Variants in LCORL observed in about 807,000 individuals in gnomAD.
LCORL encodes the protein ligand dependent nuclear receptor corepressor like.
Under a neutral mutation model 141.8 loss-of-function variants are expected in LCORL, and 41 were observed. The observed-to-expected ratio is 0.29, with a 90% CI of 0.23 to 0.38. LCORL has a LOEUF of 0.38. Ranked by LOEUF, LCORL falls within the 10% of genes least tolerant of loss-of-function variation. The pLI is 1.00. For missense variants in LCORL, 1,759 were observed against 2,035.0 expected (o/e 0.86, Z 2.61); for synonymous variants, 618 against 694.1 (o/e 0.89, Z 1.72).
intron 1 of LCORL, among the ~76,000 whole-genome samples, chr4:17,976,118 T>G (rs1230718472): frequency 6.6e-6 from 1 of 152,224 alleles, no homozygotes; most frequent in African/African-American, 2.4e-5. Flanking sequence ...ATTATGTATT[T>G]TTTTCCAATT....
intron 1 of LCORL, among the ~76,000 whole-genome samples, chr4:18,000,549 G>A (rs1032459022): frequency 1.4e-4 from 21 of 152,168 alleles, no homozygotes; most frequent in South Asian, 4.1e-4. Context: ...CTTCAAAGAT[G>A]TTTTGATACA....
intron 4 of LCORL, among the ~76,000 whole-genome samples, chr4:17,939,843 A>G (rs1737538447): frequency 6.6e-6 from 1 of 150,672 alleles, no homozygotes; most frequent in Non-Finnish European, 1.5e-5. Flanking sequence ...TGAAATCTGG[A>G]AAAAAATAAA....
At chr4:17,907,797 T>G (rs1272576322) in intron 5 of LCORL, among the ~76,000 whole-genome samples, 14 of 152,240 alleles carry the variant, frequency 9.2e-5, no homozygotes, top group Admixed American at 9.2e-4. Context: ...TCTTCCATTG[T>G]AGCCCGGGGA....
At chr4:17,898,254 G>GT (rs1216244195) in intron 5 of LCORL, among the ~76,000 whole-genome samples, 2 of 152,082 alleles carry the variant, frequency 1.3e-5, no homozygotes, top group Non-Finnish European at 2.9e-5. Flanking sequence ...AGAATGTATA[G>GT]TCAAAATGCT....
intron 4 of LCORL, chr4:17,960,363 T>C (rs574586352): frequency 6.5e-6 from 1 of 154,392 alleles, no homozygotes; most frequent in South Asian, 2.0e-4. Flanking sequence ...CAATGGAGCA[T>C]AGGCTAACTC....
chr4:17,893,155 C>A (rs1004424939), intron 5 of LCORL: 1 of 154,628 alleles, frequency 6.5e-6, no homozygotes, highest in African/African-American at 2.4e-5. Flanking sequence ...CCTGATGCTC[C>A]CCCACCTCAG....
At chr4:18,017,912 G>A (rs982867475) in intron 1 of LCORL, among the ~76,000 whole-genome samples, 2 of 151,980 alleles carry the variant, frequency 1.3e-5, no homozygotes, top group African/African-American at 4.8e-5. Flanking sequence ...GAAGAATTTA[G>A]GGGTAAAGAG....
intron 1 of LCORL, among the ~76,000 whole-genome samples, chr4:17,974,129 G>C (rs1056245386): frequency 6.6e-6 from 1 of 151,990 alleles, no homozygotes; most frequent in African/African-American, 2.4e-5. Context: ...TTCTATTTTA[G>C]AGTAGAAGAT....
chr4:18,021,858 G>T lies in LCORL; in HGVS notation c.-107C>A, dbSNP rs1194623949. ...CGGAGCGCGCGCCCCCCGGAGGGGG[G>T]TTGATTGACACGTGTCACTACCTTC... On this transcript the variant is annotated 5_prime_UTR_variant, in exon 1 of 8. Transcript: ENST00000635767. This position sits in a 1 kb window ranked among gnomAD's most constrained non-coding sequence, Gnocchi z 5.5. The T allele has an allele frequency of 7.9e-7, 1 of 1,272,262 alleles. No individual in the cohort carries two copies. The highest frequency in any genetic ancestry group is 1.0e-6 in the Non-Finnish European group (1 of 971,132). The allele number at this position is 1,272,262 out of a possible 1,614,324, so 78.8% of individuals were successfully genotyped here.
At chr4:17,932,540 C>G (rs1420783231) in intron 4 of LCORL, among the ~76,000 whole-genome samples, 2 of 152,138 alleles carry the variant, frequency 1.3e-5, no homozygotes, top group African/African-American at 4.8e-5. Flanking sequence ...CCCACTCTTC[C>G]CAACCTTCAC....
At chr4:17,976,146 T>A (rs927322467) in intron 1 of LCORL, among the ~76,000 whole-genome samples, 5 of 152,200 alleles carry the variant, frequency 3.3e-5, no homozygotes, top group Non-Finnish European at 7.4e-5. Flanking sequence ...TTTTAACCTG[T>A]CTTTATATTC....
chr4:17,888,793 T>C (rs1728660608), intron 5 of LCORL, among the ~76,000 whole-genome samples: 1 of 152,172 alleles, frequency 6.6e-6, no homozygotes, highest in Admixed American at 6.6e-5. Flanking sequence ...TTTCTCTTTT[T>C]TGGCAATTAA....
intron 4 of LCORL, among the ~76,000 whole-genome samples, chr4:17,917,012 T>C (rs904683029): frequency 1.0e-4 from 15 of 150,716 alleles, no homozygotes; most frequent in Non-Finnish European, 2.1e-4. Context: ...AGTCTCACTC[T>C]GTCACCCAGG....
intron 6 of LCORL, chr4:17,883,665 C>T: frequency 7.1e-7 from 1 of 1,402,502 alleles, no homozygotes; most frequent in Non-Finnish European, 9.3e-7. Context: ...CACATACACA[C>T]ACACGCAAAC....
At chr4:18,017,545 C>A (rs1340722619) in intron 1 of LCORL, among the ~76,000 whole-genome samples, 1 of 151,988 alleles carries the variant, frequency 6.6e-6, no homozygotes, top group Non-Finnish European at 1.5e-5. Flanking sequence ...GGTATTCCTG[C>A]CAAAATGCAT....
At chr4:18,012,516 T>C (rs1723964306) in intron 1 of LCORL, among the ~76,000 whole-genome samples, 2 of 152,142 alleles carry the variant, frequency 1.3e-5, no homozygotes, top group African/African-American at 4.8e-5. Flanking sequence ...AGAAGAAACA[T>C]AAAATTATAC....
intron 2 of LCORL, among the ~76,000 whole-genome samples, chr4:17,965,817 C>G (rs554934982): frequency 2.6e-5 from 4 of 152,198 alleles, no homozygotes; most frequent in African/African-American, 9.6e-5. Context: ...AACACCTCAA[C>G]AGATGTAATT....
chr4:17,847,594 T>C (rs879814933), intron 7 of LCORL, among the ~76,000 whole-genome samples: 6 of 152,218 alleles, frequency 3.9e-5, no homozygotes, highest in Non-Finnish European at 8.8e-5. Context: ...AAAACGGATG[T>C]GATTAAAAAA....
rs1292250515 is a variant in LCORL at position 17,845,991 on chromosome 4, T to G, written c.5603-90A>C. 2.8e-6 allele frequency: 3 copies of G among 1,052,720 alleles called. No homozygotes were observed. The African/African-American group carries it at 4.8e-5, about 17-fold the overall frequency. 65.2% of individuals were successfully genotyped at this position (1,052,720 alleles called of 1,614,324 possible). Reference sequence around the variant, plus strand: ...AAAGAACATTTAGTTGTAGTAGTGTTTGGACCTCTAAATTTTAGCATACAT... The same window carrying G: ...AAAGAACATTTAGTTGTAGTAGTGTGTGGACCTCTAAATTTTAGCATACAT... On this transcript the variant is annotated intron_variant, in intron 7 of 7. Transcript: ENST00000635767.
Sources: gnomAD v4.1 joint callset for allele counts (sites outside exome capture counted in the v4.1 genomes callset) on GRCh38, gnomAD v4.1.1 for gene constraint, Gnocchi (gnomAD v3.1) non-coding constraint, MANE v1.5 for transcripts, NCBI Gene and HGNC (gene_info 2026-07-23, HGNC 2026-07-21) for gene names.